SORCS3: variants seen among roughly 807,000 people sequenced by gnomAD.
SORCS3 encodes the protein sortilin related VPS10 domain containing receptor 3.
Under a neutral mutation model 146.3 loss-of-function variants are expected in SORCS3, and 57 were observed. The ratio of observed to expected loss-of-function variants is 0.39; its 90% CI spans 0.31 to 0.49. SORCS3 has a LOEUF of 0.49. SORCS3 is among the 20% of genes least tolerant of loss of function. SORCS3 has a pLI of 0.92. For synonymous variants in SORCS3, 653 were observed against 618.5 expected (o/e 1.06, Z -0.83); for missense variants, 1,341 against 1,575.5 (o/e 0.85, Z 2.52).
rs531486614 is a variant in SORCS3 at position 104,663,052 on chromosome 10, C to T, written c.627+21098C>T. 1.2e-3 allele frequency among the ~76,000 whole-genome samples: 180 copies of T among 152,260 alleles called. 3 individuals carry two copies. Among genetic ancestry groups the T allele is most frequent in the Middle Eastern group, 3.4e-3 (1 of 294 alleles). ...AAGGAGCAGCAGAAGCCCACACTGCCGTCTCTCCTTCCAGCTCTGGGAGCT... is the reference window on the plus strand; with the variant it reads ...AAGGAGCAGCAGAAGCCCACACTGCTGTCTCTCCTTCCAGCTCTGGGAGCT... On this transcript the variant is annotated intron_variant, in intron 1 of 26. Transcript: ENST00000369701.
chr10:104,703,711 G>GTTTTTT (rs11338927), intron 1 of SORCS3, among the ~76,000 whole-genome samples: 3 of 135,426 alleles, frequency 2.2e-5, no homozygotes, highest in Admixed American at 7.5e-5. Flanking sequence ...CATGTATCCT[G>GTTTTTT]TTTTTTTTTT....
chr10:104,961,857 G>T (rs147759635), intron 3 of SORCS3, among the ~76,000 whole-genome samples: 3 of 152,076 alleles, frequency 2.0e-5, no homozygotes, highest in Non-Finnish European at 4.4e-5. Flanking sequence ...ACTCAGTCAT[G>T]CATCACATGA....
chr10:105,022,118 G>A (rs985568518), intron 4 of SORCS3, among the ~76,000 whole-genome samples: 1 of 152,174 alleles, frequency 6.6e-6, no homozygotes, highest in African/African-American at 2.4e-5. Flanking sequence ...GTACAGTGGC[G>A]ACTACATGTC....
intron 8 of SORCS3, among the ~76,000 whole-genome samples, chr10:105,140,596 G>C (rs906998485): frequency 2.6e-5 from 4 of 152,136 alleles, no homozygotes; most frequent in African/African-American, 7.2e-5. Context: ...AAAAAGTGAT[G>C]TTTAAGTTGA....
At chr10:104,874,473 G>A (rs1345223794) in intron 2 of SORCS3, among the ~76,000 whole-genome samples, 4 of 151,800 alleles carry the variant, frequency 2.6e-5, no homozygotes, top group Non-Finnish European at 5.9e-5. Context: ...CCTTTCCAAC[G>A]TGTACTACTT....
chr10:105,071,620 T>C (rs1296814890), intron 5 of SORCS3, among the ~76,000 whole-genome samples: 2 of 152,202 alleles, frequency 1.3e-5, no homozygotes, highest in Admixed American at 1.3e-4. Flanking sequence ...ATAAGCACAT[T>C]ATAGAGAAAA....
rs142150837 is a variant in SORCS3, at chr10:104,901,917, T to C, written c.696-13916T>C. Among the ~76,000 whole-genome samples the C allele has an allele frequency of 4.0e-3, 613 of 152,300 alleles. 6 individuals carry two copies. The highest frequency in any genetic ancestry group is 0.014 in the African/African-American group (575 of 41,560). ...TTAGGCAGTTTTTGCAGGACCTCAG[T>C]GGCCTCTCAGTGGTGACAGATCTGC... On this transcript the variant is annotated intron_variant, in intron 2 of 26. Coordinates refer to ENST00000369701, the MANE Select transcript of SORCS3 (RefSeq NM_014978.3).
chr10:105,213,385 A>G (rs1422190857), intron 17 of SORCS3, among the ~76,000 whole-genome samples: 1 of 152,220 alleles, frequency 6.6e-6, no homozygotes, highest in African/African-American at 2.4e-5. Flanking sequence ...TAGGAAGGCA[A>G]CATAGATGGA....
At chr10:105,222,908 C>A (rs1475718352) in intron 19 of SORCS3, among the ~76,000 whole-genome samples, 2 of 152,214 alleles carry the variant, frequency 1.3e-5, no homozygotes, top group Admixed American at 6.5e-5. Flanking sequence ...AGATGCCACT[C>A]AAAAAATCTG....
intron 2 of SORCS3, among the ~76,000 whole-genome samples, chr10:104,910,219 C>T (rs1402237456): frequency 6.6e-6 from 1 of 152,090 alleles, no homozygotes; most frequent in East Asian, 1.9e-4. Flanking sequence ...TGAGCAGGTG[C>T]CTGAGCAGGC....
At chr10:105,102,155 G>A (rs1020808359) in intron 6 of SORCS3, among the ~76,000 whole-genome samples, 3 of 152,182 alleles carry the variant, frequency 2.0e-5, no homozygotes, top group Admixed American at 6.5e-5. Context: ...AAGAAAGCCT[G>A]TCTCTTTCCT....
At chr10:105,243,030 T>C (rs1195448475) in intron 20 of SORCS3, among the ~76,000 whole-genome samples, 2 of 135,160 alleles carry the variant, frequency 1.5e-5, no homozygotes, top group East Asian at 4.1e-4. Flanking sequence ...TATACATATA[T>C]ATTTACATAT....
At chr10:105,115,675 G>T (rs2133760989) in intron 7 of SORCS3, among the ~76,000 whole-genome samples, 1 of 152,168 alleles carries the variant, frequency 6.6e-6, no homozygotes, top group Middle Eastern at 3.4e-3. Flanking sequence ...CTTCATCTAA[G>T]ATCCTGATTT....
chr10:105,036,782 C>T (rs1322216706), intron 4 of SORCS3, among the ~76,000 whole-genome samples: 4 of 152,224 alleles, frequency 2.6e-5, no homozygotes, highest in Admixed American at 2.6e-4. Flanking sequence ...TCCTACTCTA[C>T]ACTTGTGCCT....
At chr10:104,692,014 A>G (rs1156686278) in intron 1 of SORCS3, among the ~76,000 whole-genome samples, 3 of 152,054 alleles carry the variant, frequency 2.0e-5, no homozygotes, top group Non-Finnish European at 4.4e-5. Flanking sequence ...TTACCCTGCA[A>G]TGTGGACACA....
At chr10:104,977,730 C>CTTTTTTTTT (rs796233007) in intron 4 of SORCS3, among the ~76,000 whole-genome samples, 3 of 122,914 alleles carry the variant, frequency 2.4e-5, no homozygotes, top group Non-Finnish European at 3.4e-5. Context: ...CTTTTCTTTT[C>CTTTTTTTTT]TTTTTTTTTT....
intron 3 of SORCS3, among the ~76,000 whole-genome samples, chr10:104,975,773 T>G (rs928418445): frequency 3.9e-5 from 6 of 152,212 alleles, no homozygotes; most frequent in Admixed American, 3.9e-4. Flanking sequence ...TACAACTATC[T>G]GATTTTTGAC....
chr10:105,012,224 G>T (rs1248787571), intron 4 of SORCS3, among the ~76,000 whole-genome samples: 1 of 152,148 alleles, frequency 6.6e-6, no homozygotes, highest in Admixed American at 6.5e-5. Flanking sequence ...TCTCCCTAGT[G>T]CTAGGTATTC....
At chr10:104,830,691 C>T (rs562341350) in intron 1 of SORCS3, among the ~76,000 whole-genome samples, 60 of 152,342 alleles carry the variant, frequency 3.9e-4, no homozygotes, top group Admixed American at 1.6e-3. Flanking sequence ...ACCTGCCATA[C>T]ATAGGCAGGA....
Sources: allele counts gnomAD v4.1 joint callset (sites outside exome capture counted in the v4.1 genomes callset), GRCh38; gene constraint gnomAD v4.1.1; transcripts MANE v1.5; gene names NCBI Gene and HGNC (gene_info 2026-07-23, HGNC 2026-07-21).